HGF: variants seen among roughly 807,000 people sequenced by gnomAD.
HGF encodes the protein hepatocyte growth factor.
HGF carries 39 observed loss-of-function variants against 111.6 expected under a neutral mutation model. That is an observed-to-expected ratio of 0.35 (90% CI 0.27 to 0.46). HGF has a LOEUF of 0.46. Among genes scored for constraint, HGF ranks in the 20% least tolerant of loss-of-function variants. The pLI, the probability that HGF is intolerant of heterozygous loss-of-function variation, is 1.00. For synonymous variants in HGF, 285 were observed against 294.8 expected (o/e 0.97, Z 0.34); for missense variants, 735 against 910.5 (o/e 0.81, Z 2.48).
At chr7:81,712,539 C>G (rs1789599976) in intron 11 of HGF, among the ~76,000 whole-genome samples, 1 of 152,172 alleles carries the variant, frequency 6.6e-6, no homozygotes, top group African/African-American at 2.4e-5. Flanking sequence ...TAGCTTACTA[C>G]TTTTTCATCT....
chr7:81,714,634 C>T (rs981386329), intron 11 of HGF, among the ~76,000 whole-genome samples: 4 of 151,716 alleles, frequency 2.6e-5, no homozygotes, highest in African/African-American at 4.8e-5. Flanking sequence ...CATATAGGCA[C>T]CTCTACATTT....
At chr7:81,711,643 T>C (rs1260448225) in intron 11 of HGF, 124 bp from the exon 12 acceptor site, 17 of 509,416 alleles carry the variant, frequency 3.3e-5, no homozygotes, top group Non-Finnish European at 5.7e-5. Context: ...TTTTTGTTGT[T>C]GTTGTTTTGT....
In HGF at chr7:81,729,814, T is replaced by C. The variant is rs571689210; in HGVS notation, c.866-35A>G. On this transcript the variant is annotated intron_variant, in intron 7 of 17. Transcript: ENST00000222390. ...AAAAACAACAACAAAAAAAAACTTA[T>C]ATAAAATCTTTGAAGATGTCATTTG... 5.2e-5 allele frequency: 83 copies of C among 1,600,438 alleles called. No homozygotes were observed. In the South Asian group the frequency reaches 7.2e-4, roughly 14 times the overall value.
chr7:81,760,033 CT>C, intron 2 of HGF, among the ~76,000 whole-genome samples: 1 of 152,154 alleles, frequency 6.6e-6, no homozygotes, highest in East Asian at 1.9e-4. Context: ...TTCACTCTTT[CT>C]CTCGTTCCAA....
At chr7:81,732,441 C>G (rs1175420829) in intron 7 of HGF, among the ~76,000 whole-genome samples, 1 of 152,116 alleles carries the variant, frequency 6.6e-6, no homozygotes, top group Non-Finnish European at 1.5e-5. Flanking sequence ...TTTCTGTCTA[C>G]ATTGTCAACG....
In HGF at chr7:81,701,028, T is replaced by C. The variant is rs1189316239; in HGVS notation, c.*1553A>G. Reference sequence around the variant, plus strand: ...CAAAAAATTATTTTTAAAGGTGTTTTGTACAGGAAGATTTCTGCAAAAATT... The same window carrying C: ...CAAAAAATTATTTTTAAAGGTGTTTCGTACAGGAAGATTTCTGCAAAAATT... On this transcript the variant is annotated 3_prime_UTR_variant, in exon 18 of 18. Transcript: ENST00000222390. The C allele has an allele frequency of 6.6e-6, 1 of 151,652 alleles. No homozygotes were observed. Among genetic ancestry groups the C allele is most frequent in the African/African-American group, 2.4e-5 (1 of 41,384 alleles). The allele number at this position is 151,652 out of a possible 1,614,324, so 9.4% of individuals were successfully genotyped here. A position where few individuals can be genotyped will look rare whatever the true frequency, so the allele number is the denominator to read the frequency against.
intron 10 of HGF, among the ~76,000 whole-genome samples, chr7:81,719,689 T>C (rs1789803854): frequency 6.6e-6 from 1 of 152,238 alleles, no homozygotes; most frequent in Admixed American, 6.5e-5. Flanking sequence ...ACAGAACATA[T>C]GTCGCTTACA....
intron 2 of HGF, among the ~76,000 whole-genome samples, chr7:81,759,263 A>G (rs1293201808): frequency 6.6e-6 from 1 of 152,202 alleles, no homozygotes; most frequent in East Asian, 1.9e-4. Flanking sequence ...GTAATTTACA[A>G]AGTGTATAAC....
intron 7 of HGF, among the ~76,000 whole-genome samples, chr7:81,741,938 C>CAAAAAAA (rs71520767): frequency 1.7e-4 from 8 of 46,280 alleles, no homozygotes; most frequent in South Asian, 1.5e-3. Context: ...AACTCCATCT[C>CAAAAAAA]AAAAAAAAAA....
At chr7:81,729,552 C>T (rs1787564104) in intron 8 of HGF, 53 bp downstream of exon 8, 2 of 1,367,068 alleles carry the variant, frequency 1.5e-6, no homozygotes, top group African/African-American at 1.4e-5. Context: ...ACCACTCTAC[C>T]TCATTTTCCC....
chr7:81,741,585 G>C (rs1411347053), intron 7 of HGF, among the ~76,000 whole-genome samples: 3 of 120,484 alleles, frequency 2.5e-5, no homozygotes, highest in Non-Finnish European at 5.6e-5. Context: ...GTGTGTGTCT[G>C]TGTGTGTGTG....
At chr7:81,718,930 G>C (rs2115858484) in intron 10 of HGF, among the ~76,000 whole-genome samples, 1 of 152,208 alleles carries the variant, frequency 6.6e-6, no homozygotes, top group South Asian at 2.1e-4. Context: ...GCTGAAATTA[G>C]CATTTATTTT....
intron 6 of HGF, among the ~76,000 whole-genome samples, chr7:81,743,917 C>T (rs1393548800): frequency 6.6e-6 from 1 of 152,088 alleles, no homozygotes; most frequent in African/African-American, 2.4e-5. Flanking sequence ...GAGGTCATGC[C>T]CTCACCTTCA....
chr7:81,725,893 G>C lies in HGF; in HGVS notation c.1165C>G (p.Gln389Glu). Residue 389 changes from glutamine to glutamate, a missense_variant, in exon 9 of 18, where the codon CAA becomes GAA. Physicochemically the swap from Gln to Glu is conservative, Grantham distance 29. Coordinates refer to ENST00000222390, the MANE Select transcript of HGF (RefSeq NM_000601.6). ...CCTGCAGAATGTCAGCTATTACCTT[G>C]TCCATGTGACATATCACAGTTTGGA... Reference protein sequence around the residue: ...QIPNCDMSHGQDCYRGNGKNY... With the variant: ...QIPNCDMSHGEDCYRGNGKNY... 6.2e-7 allele frequency: 1 copy of C among 1,614,010 alleles called. No individual in the cohort carries two copies. Among genetic ancestry groups the C allele is most frequent in the East Asian group, 2.2e-5 (1 of 44,854 alleles).
chr7:81,734,641 A>T (rs1787766738), intron 7 of HGF, among the ~76,000 whole-genome samples: 1 of 152,118 alleles, frequency 6.6e-6, no homozygotes, highest in African/African-American at 2.4e-5. Context: ...AGAAAAAAAA[A>T]TCTGATTACT....
intron 4 of HGF, among the ~76,000 whole-genome samples, chr7:81,754,171 A>G (rs1788644126): frequency 6.6e-6 from 1 of 151,952 alleles, no homozygotes; most frequent in African/African-American, 2.4e-5. Flanking sequence ...ATAGTATACA[A>G]CCTTAGTCCT....
chr7:81,753,615 T>C (rs537203513), intron 4 of HGF, among the ~76,000 whole-genome samples: 1 of 152,082 alleles, frequency 6.6e-6, no homozygotes, highest in East Asian at 1.9e-4. Context: ...TTGACATGAG[T>C]GTATTCTAGA....
intron 17 of HGF, among the ~76,000 whole-genome samples, chr7:81,704,962 C>T (rs5745756): frequency 0.01 from 1,561 of 151,860 alleles, 29 homozygotes; most frequent in African/African-American, 0.034. Context: ...GAGGGAACAG[C>T]TTACCCAAAA....
chr7:81,751,397 T>C (rs1472141931), intron 5 of HGF: 1 of 985,210 alleles, frequency 1.0e-6, no homozygotes, highest in Non-Finnish European at 1.2e-6. Flanking sequence ...AAATGGTTAC[T>C]CTTCCATCTT....
Sources: gnomAD v4.1 joint callset for allele counts (sites outside exome capture counted in the v4.1 genomes callset) on GRCh38, gnomAD v4.1.1 for gene constraint, MANE v1.5 for transcripts, NCBI Gene and HGNC (gene_info 2026-07-23, HGNC 2026-07-21) for gene names.